The following GRK4 variants were observed in gnomAD, a reference collection of about 807,000 sequenced individuals.
GRK4 encodes G protein-coupled receptor kinase 4.
A neutral mutation model predicts 77.9 loss-of-function variants in GRK4; 73 were observed. That is an observed-to-expected ratio of 0.94 (90% confidence interval 0.78 to 1.14). The LOEUF is 1.14. Among genes scored for constraint, GRK4 ranks in the 50% most tolerant of loss-of-function variants. GRK4 has a pLI of 0.00. For synonymous variants in GRK4, 257 were observed against 254.4 expected (o/e 1.01, Z -0.10); for missense variants, 729 against 700.2 (o/e 1.04, Z -0.46).
At chr4:2,979,610 G>A (rs1435062918) in intron 1 of GRK4, among the ~76,000 whole-genome samples, 2 of 152,160 alleles carry the variant, frequency 1.3e-5, no homozygotes, top group African/African-American at 2.4e-5. Flanking sequence ...CTACTCAGGA[G>A]GCTGAGCCAG....
In GRK4 at chr4:3,040,695, C is replaced by A; in HGVS notation, c.*70C>A. 1 of 1,299,774 alleles carries A rather than the reference C, an allele frequency of 7.7e-7. No homozygotes were observed. 80.5% of individuals were successfully genotyped at this position (1,299,774 alleles called of 1,614,324 possible). A position where few individuals can be genotyped will look rare whatever the true frequency, so the allele number is the denominator to read the frequency against. On this transcript the variant is annotated 3_prime_UTR_variant, in exon 16 of 16. Coordinates refer to ENST00000398052, the MANE Select transcript of GRK4 (RefSeq NM_182982.3). ...AGCATGTGTTAGCGTCTCGTCCCACCTGGAATTGTAATAAATACATCTAAA... is the reference window on the plus strand; with the variant it reads ...AGCATGTGTTAGCGTCTCGTCCCACATGGAATTGTAATAAATACATCTAAA...
intron 11 of GRK4, among the ~76,000 whole-genome samples, chr4:3,028,899 G>A (rs1299884418): frequency 1.3e-5 from 2 of 152,038 alleles, no homozygotes; most frequent in African/African-American, 4.8e-5. Context: ...AGCTTCCTGA[G>A]TATCTGGAAC....
At chr4:2,998,836 T>A (rs536716907) in intron 4 of GRK4, among the ~76,000 whole-genome samples, 1 of 132,574 alleles carries the variant, frequency 7.5e-6, no homozygotes, top group East Asian at 2.0e-4. Context: ...CTAACTACCA[T>A]TTTTTTTTTT....
rs1387936190 is a variant in GRK4, at chr4:3,029,204, C to T, written c.1064C>T (p.Pro355Leu). ...GRVGTVGYMA[P>L]EVVNNEKYTF... is the part of the protein sequence containing the mutation. ...ATTTCCTGTATTTGTTATGTAGCAC[C>T]TGAAGTTGTCAATAATGAAAAGTAT... The change falls in exon 12 of 16, where the codon CCT (proline) becomes CTT (leucine). Residue 355 changes from proline (P) to leucine (L), a missense_variant. Physicochemically the swap from Pro to Leu is moderately conservative, Grantham distance 98. Transcript: ENST00000398052. 1.9e-6 allele frequency: 3 copies of T among 1,608,580 alleles called. No homozygotes were observed. The East Asian group carries it at 6.7e-5, about 36-fold the overall frequency.
At chr4:2,964,191 C>G in intron 1 of GRK4, 69 bp downstream of exon 1, 1 of 1,298,108 alleles carries the variant, frequency 7.7e-7, no homozygotes, top group Non-Finnish European at 1.1e-6. Flanking sequence ...CCCTGGCCCC[C>G]CTGAAGGAAC....
At chr4:3,027,739 G>A (rs888918315) in intron 10 of GRK4, among the ~76,000 whole-genome samples, 173 bp from the exon 11 acceptor site, 44 of 152,158 alleles carry the variant, frequency 2.9e-4, no homozygotes, top group African/African-American at 7.5e-4. Context: ...GCATTGTATG[G>A]AATTTTACTA....
intron 4 of GRK4, 120 bp from the exon 5 acceptor site, chr4:3,004,111 C>A: frequency 1.4e-6 from 1 of 736,794 alleles, no homozygotes; most frequent in Middle Eastern, 3.4e-4. Flanking sequence ...GTCCAGGTGG[C>A]ACTTTGACTT....
intron 5 of GRK4, among the ~76,000 whole-genome samples, chr4:3,006,102 A>G (rs1044637479): frequency 6.6e-6 from 1 of 151,816 alleles, no homozygotes; most frequent in African/African-American, 2.4e-5. Flanking sequence ...TTTTCAGGCC[A>G]GGCATGGTGG....
At chr4:3,022,092 T>C (rs761246536) in intron 9 of GRK4, among the ~76,000 whole-genome samples, 10 of 152,216 alleles carry the variant, frequency 6.6e-5, no homozygotes, top group African/African-American at 2.4e-4. Context: ...CTTAAAAATA[T>C]GTTAATGGTA....
chr4:2,975,605 C>A (rs1720888022), intron 1 of GRK4, among the ~76,000 whole-genome samples: 2 of 152,140 alleles, frequency 1.3e-5, no homozygotes, highest in South Asian at 4.1e-4. Flanking sequence ...ACCCCCAGGA[C>A]ATTTTCCTCC....
Position 3,029,232 on chromosome 4 carries a change from G to C in GRK4, c.1092G>C (p.Thr364=). 1 of 1,613,932 alleles carries C rather than the reference G, an allele frequency of 6.2e-7. No homozygotes were observed. The highest frequency in any genetic ancestry group is 2.2e-5 in the East Asian group (1 of 44,894). The change falls in exon 12 of 16, where the codon ACG becomes ACC. Residue 364 remains threonine (T), a synonymous_variant. Transcript: ENST00000398052. ...AAGTTGTCAATAATGAAAAGTATAC[G>C]TTTAGTCCCGATTGGTGGGGACTTG... The part of the protein sequence containing the change: ...APEVVNNEKY[T]FSPDWWGLGC...
chr4:3,035,945 C>T (rs1039370761), intron 13 of GRK4, among the ~76,000 whole-genome samples: 2 of 151,950 alleles, frequency 1.3e-5, no homozygotes, highest in Non-Finnish European at 2.9e-5. Flanking sequence ...CTGGGGGAGC[C>T]CCCCAGGTAG....
intron 5 of GRK4, among the ~76,000 whole-genome samples, chr4:3,006,850 T>A (rs1731489035): frequency 6.6e-6 from 1 of 152,132 alleles, no homozygotes; most frequent in Non-Finnish European, 1.5e-5. Flanking sequence ...TGGTCTTTGC[T>A]CTCTGATACT....
intron 1 of GRK4, chr4:2,971,086 A>G (rs1431041177): frequency 6.6e-6 from 1 of 152,186 alleles, no homozygotes; most frequent in Non-Finnish European, 1.5e-5. Context: ...AAACTCTAGA[A>G]TTAGGGCTTT....
At chr4:3,035,332 G>C (rs1036916948) in intron 12 of GRK4, 54 bp from the exon 13 acceptor site, 1 of 1,594,104 alleles carries the variant, frequency 6.3e-7, no homozygotes, top group Non-Finnish European at 8.6e-7. Flanking sequence ...GGGGAGTTTT[G>C]AGTTTTCATT....
intron 1 of GRK4, among the ~76,000 whole-genome samples, chr4:2,979,373 CA>C (rs970086953): frequency 7.7e-6 from 1 of 130,168 alleles, no homozygotes; most frequent in African/African-American, 3.0e-5. Flanking sequence ...CACTGCACTC[CA>C]ACCTGAGTGA....
intron 2 of GRK4, among the ~76,000 whole-genome samples, chr4:2,988,253 A>C (rs926738548): frequency 1.3e-5 from 2 of 151,944 alleles, no homozygotes; most frequent in African/African-American, 2.4e-5. Context: ...TTTTCATTGA[A>C]TCTAATCCTA....
intron 4 of GRK4, among the ~76,000 whole-genome samples, chr4:2,996,669 G>C (rs1448705759): frequency 2.0e-5 from 3 of 151,682 alleles, no homozygotes; most frequent in Non-Finnish European, 4.4e-5. Flanking sequence ...ATAGCACTTG[G>C]TAATAGAGAG....
At chr4:2,964,175 G>T in intron 1 of GRK4, 53 bp downstream of exon 1, 1 of 1,303,150 alleles carries the variant, frequency 7.7e-7, no homozygotes, top group Non-Finnish European at 1.0e-6. Context: ...CCCGAATCCC[G>T]GGGAACCCTG....
Sources: allele counts gnomAD v4.1 joint callset (sites outside exome capture counted in the v4.1 genomes callset), GRCh38; gene constraint gnomAD v4.1.1; transcripts MANE v1.5; gene names NCBI Gene and HGNC (gene_info 2026-07-23, HGNC 2026-07-21).